The following RORA variants were observed in gnomAD, a reference collection of about 807,000 sequenced individuals.
RORA encodes RAR related orphan receptor A, also known as nuclear receptor ROR-alpha.
Under a neutral mutation model 69.5 loss-of-function variants are expected in RORA, and 7 were observed. The observed-to-expected ratio is 0.10, with a 90% CI of 0.06 to 0.19. RORA has a LOEUF of 0.19. Among genes scored for constraint, RORA ranks in the 10% least tolerant of loss-of-function variants. The pLI is 1.00. For synonymous variants in RORA, 261 were observed against 240.8 expected, an observed-to-expected ratio of 1.08 and a Z score of -0.78; for missense variants, 457 against 663.0, an observed-to-expected ratio of 0.69 and a Z score of 3.41.
At chr15:60,679,860 A>G (rs944992204) in intron 1 of RORA, among the ~76,000 whole-genome samples, 4 of 152,188 alleles carry the variant, frequency 2.6e-5, no homozygotes, top group African/African-American at 9.6e-5. Flanking sequence ...TTGAAATTAC[A>G]TAGCCCAACT....
chr15:60,724,601 T>G (rs1468025778), intron 1 of RORA, among the ~76,000 whole-genome samples: 3 of 152,166 alleles, frequency 2.0e-5, no homozygotes, highest in African/African-American at 7.2e-5. Context: ...TCCTACCTAG[T>G]CTTAGGGAAC....
chr15:61,064,390 A>G (rs145701052), intron 1 of RORA, among the ~76,000 whole-genome samples: 60 of 152,358 alleles, frequency 3.9e-4, no homozygotes, highest in African/African-American at 1.4e-3. Context: ...GCACATTTAC[A>G]TGACCCACTC....
chr15:60,598,081 G>A (rs1172634645), intron 2 of RORA, among the ~76,000 whole-genome samples: 1 of 151,990 alleles, frequency 6.6e-6, no homozygotes, highest in Admixed American at 6.6e-5. Flanking sequence ...AAGGAGAGTA[G>A]AGCCTTGTAG....
intron 2 of RORA, among the ~76,000 whole-genome samples, chr15:60,626,623 G>C (rs1369649892): frequency 6.6e-6 from 1 of 152,110 alleles, no homozygotes; most frequent in Non-Finnish European, 1.5e-5. Context: ...TGAGGCTGTC[G>C]CTGTTATTAC....
chr15:60,748,406 G>A (rs145688757), intron 1 of RORA, among the ~76,000 whole-genome samples: 1 of 151,606 alleles, frequency 6.6e-6, no homozygotes, highest in East Asian at 1.9e-4. Context: ...TCCAGAGATT[G>A]AACCATCTGC....
intron 1 of RORA, among the ~76,000 whole-genome samples, chr15:61,181,680 CAA>C (rs749054081): frequency 1.4e-3 from 81 of 57,716 alleles, no homozygotes; most frequent in African/African-American, 2.4e-3. Flanking sequence ...TTAGCTTTGG[CAA>C]AAAAAAAAAA....
chr15:60,501,190 G>C, intron 8 of RORA, 121 bp from the exon 9 acceptor site: 2 of 638,336 alleles, frequency 3.1e-6, no homozygotes, highest in Non-Finnish European at 5.6e-6. Context: ...AGAAAAACAT[G>C]GGGAAGGTGA....
At chr15:60,885,944 G>A (rs917590125) in intron 1 of RORA, among the ~76,000 whole-genome samples, 5 of 152,196 alleles carry the variant, frequency 3.3e-5, no homozygotes, top group African/African-American at 9.7e-5. Flanking sequence ...CTGTGTTAAC[G>A]TCCAATTTTC....
chr15:60,773,142 G>A (rs1032519380), intron 1 of RORA, among the ~76,000 whole-genome samples: 19 of 152,312 alleles, frequency 1.2e-4, no homozygotes, highest in African/African-American at 4.1e-4. Flanking sequence ...TGAAGGTTGT[G>A]AGGATGAAGC....
chr15:60,935,594 T>C (rs1351545), intron 1 of RORA, among the ~76,000 whole-genome samples: 118,434 of 152,230 alleles, frequency 0.78, 46,337 homozygotes, highest in African/African-American at 0.85. Flanking sequence ...ATCAGGTCAT[T>C]GTCGAGAGTC....
intron 10 of RORA, among the ~76,000 whole-genome samples, chr15:60,499,016 C>T (rs1462290823): frequency 6.6e-6 from 1 of 152,028 alleles, no homozygotes; most frequent in Non-Finnish European, 1.5e-5. Flanking sequence ...AGGATATTAG[C>T]ACATTTAAAA....
intron 2 of RORA, among the ~76,000 whole-genome samples, chr15:60,608,630 A>C (rs574471803): frequency 6.6e-6 from 1 of 152,334 alleles, no homozygotes; most frequent in Non-Finnish European, 1.5e-5. Flanking sequence ...AAGTGTAAGG[A>C]AAGTTTTCCA....
At chr15:60,699,453 A>G (rs2070951617) in intron 1 of RORA, among the ~76,000 whole-genome samples, 2 of 152,210 alleles carry the variant, frequency 1.3e-5, no homozygotes, top group Admixed American at 6.5e-5. Context: ...CCCGAGAGGT[A>G]TGTCACTGTG....
intron 1 of RORA, among the ~76,000 whole-genome samples, chr15:61,167,533 T>TTCTCTACAA (rs1417481466): frequency 7.2e-6 from 1 of 139,804 alleles, no homozygotes; most frequent in East Asian, 2.3e-4. Context: ...ATGAAGAAAT[T>TTCTCTACAA]TCTCTACAAC....
chr15:61,126,198 C>G (rs2079141233), intron 1 of RORA, among the ~76,000 whole-genome samples: 1 of 152,178 alleles, frequency 6.6e-6, no homozygotes, highest in African/African-American at 2.4e-5. Context: ...TCTCAGATGT[C>G]TTTTCCCCTC....
At chr15:60,699,463 G>A (rs2070951814) in intron 1 of RORA, among the ~76,000 whole-genome samples, 1 of 152,108 alleles carries the variant, frequency 6.6e-6, no homozygotes, top group Non-Finnish European at 1.5e-5. Flanking sequence ...ATGTCACTGT[G>A]TCTGTTGTGT....
chr15:60,784,440 T>C (rs2072308067), intron 1 of RORA, among the ~76,000 whole-genome samples: 2 of 152,208 alleles, frequency 1.3e-5, no homozygotes, highest in African/African-American at 4.8e-5. Context: ...CCTGCTGGCA[T>C]TTCAAACTGT....
At chr15:60,542,298 C>G (rs975298963) in intron 2 of RORA, among the ~76,000 whole-genome samples, 3 of 152,016 alleles carry the variant, frequency 2.0e-5, no homozygotes, top group Admixed American at 1.3e-4. Context: ...TAGCTGCTAC[C>G]ATCTTAAATG....
chr15:60,578,269 T>A (rs8037121), intron 2 of RORA, among the ~76,000 whole-genome samples: 3,346 of 152,312 alleles, frequency 0.022, 140 homozygotes, highest in African/African-American at 0.077. Context: ...TCTTCCAGAT[T>A]TTGACACATT....
Sources: allele counts gnomAD v4.1 joint callset (sites outside exome capture counted in the v4.1 genomes callset), GRCh38; gene constraint gnomAD v4.1.1; transcripts MANE v1.5; gene names NCBI Gene and HGNC (gene_info 2026-07-23, HGNC 2026-07-21).